Variants in ZEB2 observed in about 807,000 individuals in gnomAD.
ZEB2 encodes zinc finger E-box binding homeobox 2.
Under a neutral mutation model 99.9 loss-of-function variants are expected in ZEB2, and 6 were observed. That is an observed-to-expected ratio of 0.06 (90% confidence interval 0.03 to 0.12). ZEB2 has a LOEUF of 0.12. Among genes scored for constraint, ZEB2 ranks in the 10% least tolerant of loss-of-function variants. ZEB2 has a pLI of 1.00. For missense variants in ZEB2, 969 were observed against 1,502.8 expected (o/e 0.64, Z 5.87); for synonymous variants, 517 against 542.5 (o/e 0.95, Z 0.65).
chr2:144,421,786 G>C (rs1029866325), intron 4 of ZEB2, among the ~76,000 whole-genome samples: 4 of 151,256 alleles, frequency 2.6e-5, no homozygotes, highest in African/African-American at 9.7e-5. Flanking sequence ...GTGTGATCTT[G>C]AACATGATCT....
At chr2:144,447,693 G>T (rs899099845) in intron 2 of ZEB2, among the ~76,000 whole-genome samples, 1 of 152,180 alleles carries the variant, frequency 6.6e-6, no homozygotes, top group Non-Finnish European at 1.5e-5. Context: ...TCCCTAACTC[G>T]TAGCTGAGTA....
chr2:144,465,874 G>A (rs755696352), intron 2 of ZEB2, among the ~76,000 whole-genome samples: 8 of 152,276 alleles, frequency 5.3e-5, no homozygotes, highest in Non-Finnish European at 1.2e-4. Flanking sequence ...CCTTCTGCAC[G>A]TGACCTAAGA....
At position 144,398,871 on chromosome 2, in the gene ZEB2, A is replaced by G. The variant is rs1212677771; in HGVS notation, c.2316T>C (p.Val772=). 6.2e-7 allele frequency: 1 copy of G among 1,614,050 alleles called. No homozygotes were observed. Among genetic ancestry groups the G allele is most frequent in the Admixed American group, 1.7e-5 (1 of 60,004 alleles). Residue 772 remains valine (V), a synonymous_variant, in exon 8 of 10, where the codon GTT becomes GTC. Transcript: ENST00000627532. The part of the protein sequence containing the change: ...KPSHFTNIKP[V]EKLDHSRSNT... ...TACTCCTGGAGTGGTCCAATTTTTCAACTGGTTTAATATTGGTAAAATGGG... is the reference window on the plus strand; with the variant it reads ...TACTCCTGGAGTGGTCCAATTTTTCGACTGGTTTAATATTGGTAAAATGGG...
chr2:144,418,685 T>C (rs996814764), intron 4 of ZEB2, among the ~76,000 whole-genome samples: 1 of 149,570 alleles, frequency 6.7e-6, no homozygotes, highest in Non-Finnish European at 1.5e-5. Flanking sequence ...CGAGACTCCA[T>C]CTCAAAAAAA....
At chr2:144,405,238 G>T in intron 4 of ZEB2, 1 of 585,970 alleles carries the variant, frequency 1.7e-6, no homozygotes, top group South Asian at 2.1e-5. Flanking sequence ...AGTTAAATAA[G>T]CACATTTTAT....
intron 2 of ZEB2, chr2:144,462,208 T>C (rs1327859160): frequency 1.3e-5 from 2 of 152,096 alleles, no homozygotes; most frequent in African/African-American, 4.8e-5. Context: ...TCGTTTTAAT[T>C]ATAATCCAAA....
chr2:144,508,384 G>A (rs1704981146), intron 2 of ZEB2, among the ~76,000 whole-genome samples: 1 of 152,180 alleles, frequency 6.6e-6, no homozygotes. Flanking sequence ...CCAGGAGGCT[G>A]TGACAAAGGG....
At chr2:144,451,036 T>C (rs1267015397) in intron 2 of ZEB2, among the ~76,000 whole-genome samples, 1 of 151,952 alleles carries the variant, frequency 6.6e-6, no homozygotes, top group African/African-American at 2.4e-5. Flanking sequence ...GTCTCCGGAG[T>C]GGACAAGTGA....
chr2:144,450,761 C>T (rs575642353), intron 2 of ZEB2, among the ~76,000 whole-genome samples: 69 of 152,254 alleles, frequency 4.5e-4, no homozygotes, highest in African/African-American at 1.4e-3. Flanking sequence ...CTGCAACCTC[C>T]GCCTCCCGGG....
At chr2:144,515,527 A>AGAGG (rs986266722) in intron 2 of ZEB2, among the ~76,000 whole-genome samples, 2 of 151,870 alleles carry the variant, frequency 1.3e-5, no homozygotes, top group Non-Finnish European at 2.9e-5. Flanking sequence ...AGAGAGAGAG[A>AGAGG]GAGGGAGAAA....
chr2:144,493,356 T>C (rs1024458808), intron 2 of ZEB2, among the ~76,000 whole-genome samples: 2 of 152,210 alleles, frequency 1.3e-5, no homozygotes, highest in African/African-American at 4.8e-5. Context: ...TTTTGTGTAA[T>C]ACTCCCAAAG....
At chr2:144,444,100 C>T (rs1703952966) in intron 2 of ZEB2, among the ~76,000 whole-genome samples, 1 of 152,190 alleles carries the variant, frequency 6.6e-6, no homozygotes, top group African/African-American at 2.4e-5. Flanking sequence ...TTTCTATTGT[C>T]TTTGCACTCT....
In ZEB2 at chr2:144,506,073, T is replaced by TA. The variant is rs1195859184; in HGVS notation, c.73+11204dup. Among the ~76,000 whole-genome samples the TA allele has an allele frequency of 2.6e-5, 4 of 152,352 alleles. No individual in the cohort carries two copies. In the East Asian group the frequency reaches 7.7e-4, roughly 29 times the overall value. On this transcript the variant is annotated intron_variant, in intron 2 of 9. Transcript: ENST00000627532. ...AAAGCTAGTAATTTATCCTAAATAA[T>TA]ACACTTAAAGCTTAGATTAATAGGT...
At chr2:144,430,291 T>C (rs1353141184) in intron 2 of ZEB2, among the ~76,000 whole-genome samples, 13 of 152,192 alleles carry the variant, frequency 8.5e-5, no homozygotes, top group Admixed American at 8.5e-4. Context: ...ACACACAAAC[T>C]ATGCCTATAC....
In ZEB2 at chr2:144,404,861, T is replaced by C. The variant is rs1484826556; in HGVS notation, c.567A>G (p.Pro189=). The part of the protein sequence containing the change: ...APEELSRLGT[P]EANGQEENDL... Reference sequence around the variant, plus strand: ...CATTTTCTTCTTGCCCATTGGCCTCTGGCGTGCCAAGGCGAGACAGCTCCT... The same window carrying C: ...CATTTTCTTCTTGCCCATTGGCCTCCGGCGTGCCAAGGCGAGACAGCTCCT... The change falls in exon 5 of 10, where the codon CCA becomes CCG. Residue 189 remains proline (P), a synonymous_variant. Coordinates refer to ENST00000627532, the MANE Select transcript of ZEB2 (RefSeq NM_014795.4). 3 of 1,614,174 alleles carry C rather than the reference T, an allele frequency of 1.9e-6. No homozygotes were observed. Among genetic ancestry groups the C allele is most frequent in the Non-Finnish European group, 2.5e-6 (3 of 1,180,008 alleles).
Position 144,403,904 on chromosome 2 carries a change from C to T in ZEB2, c.807+12G>A. ...TATTATAGAAAGAAATCACTTAAAA[C>T]CATCCCCCCACCTGATCTGTCCCTG... On this transcript the variant is annotated intron_variant, in intron 6 of 9. Coordinates refer to ENST00000627532, the MANE Select transcript of ZEB2 (RefSeq NM_014795.4). 1 of 1,614,092 alleles carries T rather than the reference C, an allele frequency of 6.2e-7. No individual in the cohort carries two copies. Among genetic ancestry groups the T allele is most frequent in the South Asian group, 1.1e-5 (1 of 91,078 alleles).
intron 2 of ZEB2, chr2:144,516,225 C>CA (rs1191504045): frequency 6.8e-6 from 1 of 147,192 alleles, no homozygotes; most frequent in Admixed American, 6.7e-5. Context: ...CTCCCCCACC[C>CA]CCCCCCGGCA....
chr2:144,513,140 T>C, intron 2 of ZEB2: 1 of 1,285,750 alleles, frequency 7.8e-7, no homozygotes, highest in Non-Finnish European at 1.0e-6. Flanking sequence ...GCATTTTCTT[T>C]CCTTTTCATT....
chr2:144,433,143 A>G (rs920912096), intron 2 of ZEB2, among the ~76,000 whole-genome samples: 15 of 152,170 alleles, frequency 9.9e-5, no homozygotes, highest in Non-Finnish European at 2.9e-5. Context: ...CCTTTCTGCA[A>G]TTCAATAAAC....
Sources: gnomAD v4.1 joint callset for allele counts (sites outside exome capture counted in the v4.1 genomes callset) on GRCh38, gnomAD v4.1.1 for gene constraint, MANE v1.5 for transcripts, NCBI Gene and HGNC (gene_info 2026-07-23, HGNC 2026-07-21) for gene names.